The following KCNAB1 variants were observed in gnomAD, a reference collection of about 807,000 sequenced individuals.
KCNAB1 encodes potassium voltage-gated channel subfamily A regulatory beta subunit 1, also known as voltage-gated potassium channel subunit beta-1.
A neutral mutation model predicts 64.6 loss-of-function variants in KCNAB1; 35 were observed. The observed-to-expected ratio is 0.54, with a 90% CI of 0.41 to 0.72. The LOEUF is 0.72. KCNAB1 is among the 30% of genes least tolerant of loss of function. KCNAB1 has a pLI of 0.00. For synonymous variants in KCNAB1, 177 were observed against 183.8 expected (o/e 0.96, Z 0.30); for missense variants, 401 against 512.9 (o/e 0.78, Z 2.11).
intron 1 of KCNAB1, among the ~76,000 whole-genome samples, chr3:156,186,145 G>C (rs1270570339): frequency 6.6e-6 from 1 of 152,128 alleles, no homozygotes; most frequent in East Asian, 1.9e-4. Context: ...TCAAACGGAT[G>C]GTCCTTTTCT....
intron 11 of KCNAB1, among the ~76,000 whole-genome samples, chr3:156,522,407 A>G (rs572646432): frequency 3.9e-5 from 6 of 152,232 alleles, no homozygotes; most frequent in Admixed American, 1.3e-4. Context: ...GGCAGTGTCC[A>G]TTGTTCACAA....
intron 1 of KCNAB1, among the ~76,000 whole-genome samples, chr3:156,168,058 C>T (rs1711716266): frequency 6.6e-6 from 1 of 152,002 alleles, no homozygotes; most frequent in African/African-American, 2.4e-5. Context: ...CCAAAATTAG[C>T]CATCTATGGT....
intron 1 of KCNAB1, among the ~76,000 whole-genome samples, chr3:156,268,288 G>T (rs1718838833): frequency 6.6e-6 from 1 of 152,130 alleles, no homozygotes; most frequent in African/African-American, 2.4e-5. Flanking sequence ...GGACATGTAG[G>T]TTGCTTCCAA....
intron 1 of KCNAB1, among the ~76,000 whole-genome samples, chr3:156,238,611 T>C (rs1716993267): frequency 6.6e-6 from 1 of 152,144 alleles, no homozygotes; most frequent in Admixed American, 6.5e-5. Context: ...ATTCATAGCC[T>C]CTTTGTTTTT....
chr3:156,194,369 T>C (rs909476907), intron 1 of KCNAB1, among the ~76,000 whole-genome samples: 7 of 152,184 alleles, frequency 4.6e-5, no homozygotes, highest in Non-Finnish European at 7.3e-5. Flanking sequence ...GAATTACAGA[T>C]TGAAAAGTTT....
intron 1 of KCNAB1, among the ~76,000 whole-genome samples, chr3:156,337,988 C>T (rs112151966): frequency 8.3e-4 from 126 of 152,164 alleles, no homozygotes; most frequent in African/African-American, 2.9e-3. Flanking sequence ...GTGGGGATGG[C>T]GATGTATATA....
Position 156,515,195 on chromosome 3 carries a change from G to A in KCNAB1, c.840G>A (p.Gln280=). 6.2e-7 allele frequency: 1 copy of A among 1,613,116 alleles called. No individual in the cohort carries two copies. Among genetic ancestry groups the A allele is most frequent in the Non-Finnish European group, 8.5e-7 (1 of 1,179,500 alleles). Residue 280 remains glutamine, a synonymous_variant, in exon 10 of 14, where the codon CAG becomes CAA. Coordinates refer to ENST00000490337, the MANE Select transcript of KCNAB1 (RefSeq NM_172160.3). ...HLFQREKVEV[Q]LPELYHKIGV... is the part of the protein sequence containing the mutation. ...TCCAGAGAGAGAAAGTGGAGGTCCA[G>A]CTGCCAGAGCTCTACCACAAAATAG...
At chr3:156,161,011 T>C (rs989137781) in intron 1 of KCNAB1, among the ~76,000 whole-genome samples, 1 of 152,252 alleles carries the variant, frequency 6.6e-6, no homozygotes, top group African/African-American at 2.4e-5. Flanking sequence ...CTCATTCACA[T>C]GAAAGGAAAT....
intron 1 of KCNAB1, among the ~76,000 whole-genome samples, chr3:156,315,764 T>C (rs1039482046): frequency 3.9e-5 from 6 of 152,246 alleles, no homozygotes; most frequent in African/African-American, 7.2e-5. Context: ...TCTAAAGTTA[T>C]AGATATGTCT....
At chr3:156,500,822 TATC>T (rs1559917579) in intron 8 of KCNAB1, among the ~76,000 whole-genome samples, 1 of 152,220 alleles carries the variant, frequency 6.6e-6, no homozygotes, top group African/African-American at 2.4e-5. Context: ...TTTGTGGAAG[TATC>T]ATCATCAATG....
intron 2 of KCNAB1, among the ~76,000 whole-genome samples, chr3:156,445,457 C>G (rs1339836480): frequency 6.6e-6 from 1 of 152,178 alleles, no homozygotes; most frequent in Non-Finnish European, 1.5e-5. Context: ...TCTGATTTCA[C>G]TGGGGTGTGG....
rs34671816 is a variant in KCNAB1 at position 156,338,303 on chromosome 3, C to CTTTTTTTTTTTTTTTTTTTTTTTTTTTT, written c.276-83286_276-83285insTTTTTTTTTTTTTTTTTTTTTTTTTTTT. Among the ~76,000 whole-genome samples, 26 of 39,498 alleles carry CTTTTTTTTTTTTTTTTTTTTTTTTTTTT rather than the reference C, an allele frequency of 6.6e-4. 6 individuals are homozygous for CTTTTTTTTTTTTTTTTTTTTTTTTTTTT. Among genetic ancestry groups the CTTTTTTTTTTTTTTTTTTTTTTTTTTTT allele is most frequent in the East Asian group, 2.6e-3 (3 of 1,174 alleles). 25.9% of individuals were successfully genotyped at this position (39,498 alleles called of 152,430 possible). A position where few individuals can be genotyped will look rare whatever the true frequency, so the allele number is the denominator to read the frequency against. ...TCTTATACTTTCTTTGGCATTTGCA[C>CTTTTTTTTTTTTTTTTTTTTTTTTTTTT]TTTTTTTTTTTTTTTTTTTTTTTTT... On this transcript the variant is annotated intron_variant, in intron 1 of 13. Transcript: ENST00000490337.
intron 8 of KCNAB1, among the ~76,000 whole-genome samples, chr3:156,479,348 G>C (rs930598500): frequency 2.0e-5 from 3 of 152,122 alleles, no homozygotes; most frequent in African/African-American, 7.2e-5. Flanking sequence ...TCAGGCAATA[G>C]AGTCAGTCTG....
chr3:156,250,514 ACT>A (rs777460982), intron 1 of KCNAB1, among the ~76,000 whole-genome samples: 31 of 152,032 alleles, frequency 2.0e-4, no homozygotes, highest in Non-Finnish European at 4.1e-4. Context: ...TTGTGCACCC[ACT>A]CCAAAAAATG....
intron 2 of KCNAB1, among the ~76,000 whole-genome samples, chr3:156,424,064 C>T (rs948779455): frequency 2.6e-5 from 4 of 151,942 alleles, no homozygotes; most frequent in Non-Finnish European, 5.9e-5. Flanking sequence ...GAGATTGTAT[C>T]GAAGACAAGA....
At chr3:156,356,282 A>G (rs1725235201) in intron 1 of KCNAB1, among the ~76,000 whole-genome samples, 1 of 152,202 alleles carries the variant, frequency 6.6e-6, no homozygotes, top group Non-Finnish European at 1.5e-5. Context: ...TTATGGAGGA[A>G]TGAATGTGAA....
At chr3:156,316,842 C>T (rs1053795221) in intron 1 of KCNAB1, among the ~76,000 whole-genome samples, 1 of 152,128 alleles carries the variant, frequency 6.6e-6, no homozygotes, top group Non-Finnish European at 1.5e-5. Flanking sequence ...ATGGGAACTC[C>T]AAAGATGAAA....
intron 1 of KCNAB1, among the ~76,000 whole-genome samples, chr3:156,276,590 G>A (rs753168088): frequency 5.9e-5 from 9 of 152,120 alleles, no homozygotes; most frequent in Non-Finnish European, 1.2e-4. Context: ...TAGATCTTTT[G>A]GATAAGTTGC....
intron 1 of KCNAB1, among the ~76,000 whole-genome samples, chr3:156,199,712 T>G (rs919835933): frequency 5.9e-5 from 9 of 152,232 alleles, no homozygotes; most frequent in African/African-American, 2.2e-4. Flanking sequence ...TAGTTAGCAA[T>G]TCTTGTAACC....
Sources: allele counts gnomAD v4.1 joint callset (sites outside exome capture counted in the v4.1 genomes callset), GRCh38; gene constraint gnomAD v4.1.1; transcripts MANE v1.5; gene names NCBI Gene and HGNC (gene_info 2026-07-23, HGNC 2026-07-21).